The following ADGRD1 variants were observed in gnomAD, a reference collection of about 807,000 sequenced individuals.
ADGRD1 encodes G-protein coupled receptor 133.
A neutral mutation model predicts 113.4 loss-of-function variants in ADGRD1; 77 were observed. The observed-to-expected ratio is 0.68, with a 90% CI of 0.57 to 0.82. The LOEUF (loss-of-function observed/expected upper bound fraction) is 0.82. ADGRD1 is among the 40% of genes least tolerant of loss of function. ADGRD1 has a pLI of 0.00. For synonymous variants in ADGRD1, 474 were observed against 475.0 expected (o/e 1.00, Z 0.03); for missense variants, 1,036 against 1,139.1 (o/e 0.91, Z 1.30).
chr12:131,015,020 C>T (rs1229882717), intron 13 of ADGRD1, among the ~76,000 whole-genome samples: 24 of 152,272 alleles, frequency 1.6e-4, no homozygotes, highest in Admixed American at 1.6e-3. Context: ...TTTGATGTGA[C>T]ACTGAAAGAG....
chr12:131,012,945 C>A (rs1237259081), intron 12 of ADGRD1, among the ~76,000 whole-genome samples: 1 of 152,104 alleles, frequency 6.6e-6, no homozygotes, highest in African/African-American at 2.4e-5. Context: ...GTGTAGTCAC[C>A]CCAAATTCAA....
At chr12:131,079,711 T>C (rs12425064) in intron 14 of ADGRD1, among the ~76,000 whole-genome samples, 43,638 of 152,010 alleles carry the variant, frequency 0.29, 6,931 homozygotes, top group South Asian at 0.48. Context: ...GCAGTTTATG[T>C]TTTTTTGAAA....
chr12:131,103,465 G>A (rs1052099207), intron 15 of ADGRD1, among the ~76,000 whole-genome samples: 7 of 152,268 alleles, frequency 4.6e-5, no homozygotes, highest in African/African-American at 1.7e-4. Context: ...GTAGCCCCTC[G>A]GGCGTGAGCC....
chr12:131,139,051 C>T, intron 24 of ADGRD1, 117 bp from the exon 25 acceptor site: 1 of 720,824 alleles, frequency 1.4e-6, no homozygotes, highest in Admixed American at 2.5e-5. Flanking sequence ...CTGCACCTTT[C>T]CTCCCGCAGG....
In ADGRD1 at chr12:131,096,033, G is replaced by A. The variant is rs147572498; in HGVS notation, c.1672-8798G>A. Among the ~76,000 whole-genome samples the A allele has an allele frequency of 0.012, 1,040 of 90,152 alleles. 12 individuals carry two copies. Among genetic ancestry groups the A allele is most frequent in the African/African-American group, 0.032 (991 of 30,644 alleles). The allele number at this position is 90,152 out of a possible 152,430, so 59.1% of individuals were successfully genotyped here. A position where few individuals can be genotyped will look rare whatever the true frequency, so the allele number is the denominator to read the frequency against. ...GCCCAGAGCAGCGGCTTAGGGTCAC[G>A]GCCACCATTCCTGCCTCCCGGCCCT... On this transcript the variant is annotated intron_variant, in intron 15 of 24. Transcript: ENST00000261654. The surrounding 1 kb of genome is among the most constrained non-coding windows in gnomAD (Gnocchi z 5.2).
chr12:131,124,110 G>A (rs1950681569), intron 20 of ADGRD1, among the ~76,000 whole-genome samples: 1 of 152,252 alleles, frequency 6.6e-6, no homozygotes, highest in Non-Finnish European at 1.5e-5. Context: ...CCTGCGGGGA[G>A]TGCCGTGGAG....
chr12:130,982,550 T>A (rs920473749), intron 5 of ADGRD1, among the ~76,000 whole-genome samples: 1 of 152,184 alleles, frequency 6.6e-6, no homozygotes, highest in African/African-American at 2.4e-5. Context: ...TCTTCTTCCT[T>A]CTTCTTAGTG....
intron 13 of ADGRD1, among the ~76,000 whole-genome samples, chr12:131,032,147 G>A (rs1032076979): frequency 4.6e-5 from 7 of 150,758 alleles, no homozygotes; most frequent in South Asian, 4.2e-4. Flanking sequence ...CCTGTCCCCC[G>A]CAAGGGGCAC....
At chr12:131,116,348 C>T (rs1195929) in intron 18 of ADGRD1, among the ~76,000 whole-genome samples, 22,922 of 152,256 alleles carry the variant, frequency 0.15, 2,032 homozygotes, top group Non-Finnish European at 0.2. Context: ...TCCTTCTGGA[C>T]AACTTTATTG....
chr12:131,016,440 C>T (rs1323127018), intron 13 of ADGRD1, among the ~76,000 whole-genome samples: 2 of 152,224 alleles, frequency 1.3e-5, no homozygotes, highest in Non-Finnish European at 2.9e-5. Flanking sequence ...GAATCCTGGT[C>T]CCCTGCACAG....
At chr12:131,064,953 G>T (rs961703968) in intron 13 of ADGRD1, among the ~76,000 whole-genome samples, 4 of 152,188 alleles carry the variant, frequency 2.6e-5, no homozygotes, top group African/African-American at 9.6e-5. Flanking sequence ...GAGCTAGTGA[G>T]CCAGACCTAC....
intron 3 of ADGRD1, chr12:130,969,939 G>T (rs951967944): frequency 1.3e-5 from 2 of 152,108 alleles, no homozygotes; most frequent in Non-Finnish European, 2.9e-5. Context: ...TGTCTTCTTT[G>T]GGGGAGGAAA....
intron 13 of ADGRD1, among the ~76,000 whole-genome samples, chr12:131,040,128 C>T (rs774483429): frequency 1.3e-5 from 2 of 152,134 alleles, no homozygotes; most frequent in African/African-American, 2.4e-5. Flanking sequence ...TCCCAGGGGC[C>T]GCTTTATTGT....
At chr12:131,008,200 G>T (rs1324732960) in intron 12 of ADGRD1, among the ~76,000 whole-genome samples, 1 of 152,244 alleles carries the variant, frequency 6.6e-6, no homozygotes, top group Non-Finnish European at 1.5e-5. Context: ...GATTTTGTAA[G>T]CTGATTGGGC....
At chr12:131,004,023 CTTT>C (rs56871865) in intron 10 of ADGRD1, among the ~76,000 whole-genome samples, 160 bp from the exon 11 acceptor site, 5 of 139,018 alleles carry the variant, frequency 3.6e-5, no homozygotes, top group African/African-American at 2.6e-5. Flanking sequence ...TTGCTTTACC[CTTT>C]TTTTTTTTTT....
At chr12:131,019,423 T>G (rs1011118443) in intron 13 of ADGRD1, among the ~76,000 whole-genome samples, 5 of 152,242 alleles carry the variant, frequency 3.3e-5, no homozygotes, top group Non-Finnish European at 5.9e-5. Flanking sequence ...GGTCAGAATC[T>G]GCAGTGTTCT....
intron 6 of ADGRD1, chr12:130,988,495 C>T (rs1873968772): frequency 6.6e-6 from 1 of 152,206 alleles, no homozygotes; most frequent in African/African-American, 2.4e-5. Flanking sequence ...ACGTTGAGTC[C>T]CTCAGTTGTT....
At chr12:130,994,191 T>C (rs1273695007) in intron 8 of ADGRD1, 2 of 418,720 alleles carry the variant, frequency 4.8e-6, no homozygotes, top group Non-Finnish European at 9.8e-6. Context: ...AAAGAGCGGG[T>C]ATAGACAAGC....
chr12:131,096,756 C>T lies in ADGRD1; in HGVS notation c.1672-8075C>T, dbSNP rs1887312968. On this transcript the variant is annotated intron_variant, in intron 15 of 24. Transcript: ENST00000261654. This position sits in a 1 kb window ranked among gnomAD's most constrained non-coding sequence, Gnocchi z 5.2. ...CTGCCAGTCCAGGTTTACATCGCCA[C>T]AACTGTTTAAAGCAGCCATCGTCTG... Among the ~76,000 whole-genome samples the T allele has an allele frequency of 6.6e-6, 1 of 152,222 alleles. No individual in the cohort carries two copies. Among genetic ancestry groups the T allele is most frequent in the Non-Finnish European group, 1.5e-5 (1 of 68,036 alleles).
Sources: gnomAD v4.1 joint callset for allele counts (sites outside exome capture counted in the v4.1 genomes callset) on GRCh38, gnomAD v4.1.1 for gene constraint, Gnocchi (gnomAD v3.1) non-coding constraint, MANE v1.5 for transcripts, NCBI Gene and HGNC (gene_info 2026-07-23, HGNC 2026-07-21) for gene names.